The following KAZN variants were observed in gnomAD, a reference collection of about 807,000 sequenced individuals.
KAZN encodes kazrin.
A neutral mutation model predicts 87.4 loss-of-function variants in KAZN; 40 were observed. That is an observed-to-expected ratio of 0.46 (90% CI 0.36 to 0.60). KAZN has a LOEUF of 0.60. Among genes scored for constraint, KAZN ranks in the 20% least tolerant of loss-of-function variants. The pLI is 0.00. For missense variants in KAZN, 898 were observed against 1,073.9 expected, an observed-to-expected ratio of 0.84 and a Z score of 2.29; for synonymous variants, 466 against 458.3, an observed-to-expected ratio of 1.02 and a Z score of -0.22.
intron 2 of KAZN, among the ~76,000 whole-genome samples, chr1:14,193,547 ACTG>A (rs1022382468): frequency 1.3e-5 from 2 of 152,058 alleles, no homozygotes; most frequent in African/African-American, 4.8e-5. Context: ...GCACTGTAAG[ACTG>A]TAAATTGCTG....
chr1:13,911,810 T>A (rs10803434), intron 1 of KAZN, among the ~76,000 whole-genome samples: 76,619 of 151,828 alleles, frequency 0.5, 20,419 homozygotes, highest in African/African-American at 0.69. Context: ...GAAAGGGAAG[T>A]TGTGATTGAT....
At chr1:14,905,767 A>G (rs1321996280) in intron 1 of KAZN, among the ~76,000 whole-genome samples, 1 of 147,160 alleles carries the variant, frequency 6.8e-6, no homozygotes, top group Admixed American at 6.8e-5. Context: ...TGGCGTGAAC[A>G]TGGGAGGGGA....
rs147205722 is a variant in KAZN, at chr1:14,202,263, G to T, written c.249+21671G>T. Among the ~76,000 whole-genome samples the T allele has an allele frequency of 4.6e-5, 7 of 152,332 alleles. No homozygotes were observed. In the East Asian group the frequency reaches 1.2e-3, roughly 25 times the overall value. ...GCTCTTCCTTGTCTGGGGTAGAACTGCAGGAGACACACGTGCGTTCTGCTA... is the reference window on the plus strand; with the variant it reads ...GCTCTTCCTTGTCTGGGGTAGAACTTCAGGAGACACACGTGCGTTCTGCTA... On this transcript the variant is annotated intron_variant, in intron 2 of 16. Transcript: ENST00000636203.
chr1:14,621,002 C>G (rs987109281), intron 1 of KAZN, among the ~76,000 whole-genome samples: 1 of 152,092 alleles, frequency 6.6e-6, no homozygotes, highest in African/African-American at 2.4e-5. Context: ...ATCAGCCTCC[C>G]CATGTAGGAA....
chr1:14,275,244 T>C (rs530031325), intron 2 of KAZN, among the ~76,000 whole-genome samples: 1 of 152,296 alleles, frequency 6.6e-6, no homozygotes, highest in East Asian at 1.9e-4. Flanking sequence ...CAGTCCTTCA[T>C]AGCAACAGTC....
intron 2 of KAZN, among the ~76,000 whole-genome samples, chr1:14,484,704 C>T (rs538613927): frequency 1.3e-5 from 2 of 152,316 alleles, no homozygotes; most frequent in East Asian, 1.9e-4. Context: ...CACATGGCTG[C>T]GGTCAGCTGC....
At chr1:14,119,039 AAC>A (rs1300425479) in intron 1 of KAZN, among the ~76,000 whole-genome samples, 5 of 109,866 alleles carry the variant, frequency 4.6e-5, no homozygotes, top group African/African-American at 1.1e-4. Context: ...AAACAAAAAA[AAC>A]AAAAACAAAA....
intron 2 of KAZN, among the ~76,000 whole-genome samples, chr1:14,393,350 TATC>T (rs1662618646): frequency 6.6e-6 from 1 of 152,238 alleles, no homozygotes; most frequent in African/African-American, 2.4e-5. Context: ...ATATTGCTAT[TATC>T]ATCATGATTA....
At chr1:14,933,855 T>C (rs971093832) in intron 1 of KAZN, among the ~76,000 whole-genome samples, 1 of 151,318 alleles carries the variant, frequency 6.6e-6, no homozygotes, top group Non-Finnish European at 1.5e-5. Context: ...TTTTCTTTTT[T>C]TTTTTTTTAT....
chr1:14,702,495 CA>C (rs1641988700), intron 1 of KAZN, among the ~76,000 whole-genome samples: 1 of 152,060 alleles, frequency 6.6e-6, no homozygotes, highest in African/African-American at 2.4e-5. Context: ...GATGAAAACC[CA>C]AAAACTTTGC....
chr1:13,894,042 TG>T (rs968923820), intron 1 of KAZN, among the ~76,000 whole-genome samples: 1 of 152,174 alleles, frequency 6.6e-6, no homozygotes, highest in Non-Finnish European at 1.5e-5. Context: ...TGTGGCTAGC[TG>T]GGGGGTGAAG....
At chr1:14,550,958 G>A (rs888243700) in intron 2 of KAZN, among the ~76,000 whole-genome samples, 3 of 151,330 alleles carry the variant, frequency 2.0e-5, no homozygotes, top group African/African-American at 7.3e-5. Context: ...TCCTTGTAAA[G>A]CATTCTCTCC....
chr1:15,069,213 A>T (rs1639398526), intron 8 of KAZN, among the ~76,000 whole-genome samples: 1 of 152,262 alleles, frequency 6.6e-6, no homozygotes, highest in East Asian at 1.9e-4. Context: ...AATCAATTGA[A>T]GAGCCCTTCC....
intron 2 of KAZN, among the ~76,000 whole-genome samples, chr1:14,966,164 G>A (rs1664437548): frequency 6.6e-6 from 1 of 151,994 alleles, no homozygotes; most frequent in Admixed American, 6.6e-5. Context: ...ATTTTTAGCA[G>A]AGACAGGATT....
At chr1:14,584,968 A>G (rs1416882456) in intron 2 of KAZN, among the ~76,000 whole-genome samples, 4 of 152,168 alleles carry the variant, frequency 2.6e-5, no homozygotes, top group Non-Finnish European at 1.5e-5. Context: ...TAAAGAGGTG[A>G]TGAAGAGAAA....
chr1:14,945,774 C>T (rs1661695258), intron 1 of KAZN: 2 of 543,218 alleles, frequency 3.7e-6, no homozygotes, highest in Non-Finnish European at 4.7e-6. Context: ...GTGAGCTGCC[C>T]CGCAGCACTT....
chr1:14,849,982 T>C (rs1158382035), intron 1 of KAZN, among the ~76,000 whole-genome samples: 1 of 150,642 alleles, frequency 6.6e-6, no homozygotes, highest in Non-Finnish European at 1.5e-5. Context: ...TTACCCAGGC[T>C]GGAGTACAGT....
chr1:14,825,517 G>A (rs967104201), intron 1 of KAZN, among the ~76,000 whole-genome samples: 4 of 152,132 alleles, frequency 2.6e-5, no homozygotes, highest in African/African-American at 4.8e-5. Context: ...AGGGCTTTTC[G>A]TGTATAATTC....
chr1:14,303,871 A>G (rs992400293), intron 2 of KAZN, among the ~76,000 whole-genome samples: 3 of 152,246 alleles, frequency 2.0e-5, no homozygotes, highest in Admixed American at 6.5e-5. Flanking sequence ...GGTCTCTTCA[A>G]TGCAAATATA....
Sources: gnomAD v4.1 joint callset for allele counts (sites outside exome capture counted in the v4.1 genomes callset) on GRCh38, gnomAD v4.1.1 for gene constraint, MANE v1.5 for transcripts, NCBI Gene and HGNC (gene_info 2026-07-23, HGNC 2026-07-21) for gene names.